PDE7B: variants seen among roughly 807,000 people sequenced by gnomAD.
PDE7B encodes the protein phosphodiesterase 7B.
Under a neutral mutation model 56.2 loss-of-function variants are expected in PDE7B, and 29 were observed. That is an observed-to-expected ratio of 0.52 (90% CI 0.38 to 0.70). The LOEUF is 0.70. PDE7B is among the 30% of genes least tolerant of loss of function. The probability of loss-of-function intolerance (pLI) is 0.00; values close to 1 mark genes in which losing one functional copy is unlikely to be tolerated. For missense variants in PDE7B, 490 were observed against 565.0 expected, an observed-to-expected ratio of 0.87 and a Z score of 1.35; for synonymous variants, 197 against 196.9, an observed-to-expected ratio of 1.00 and a Z score of 0.00.
intron 1 of PDE7B, among the ~76,000 whole-genome samples, chr6:135,855,460 C>A (rs976731764): frequency 1.3e-5 from 2 of 151,894 alleles, no homozygotes; most frequent in Non-Finnish European, 2.9e-5. Context: ...CAGCTCTATG[C>A]AATTTGGAAT....
chr6:135,995,830 A>G (rs919643432), intron 2 of PDE7B, among the ~76,000 whole-genome samples: 1 of 152,216 alleles, frequency 6.6e-6, no homozygotes, highest in African/African-American at 2.4e-5. Context: ...GAACTACATT[A>G]AAATAAAAAT....
chr6:135,922,358 A>T (rs1774100121), intron 1 of PDE7B, among the ~76,000 whole-genome samples: 1 of 152,212 alleles, frequency 6.6e-6, no homozygotes, highest in Non-Finnish European at 1.5e-5. Flanking sequence ...TTACAAAACC[A>T]GGTCACAGCT....
At chr6:135,855,590 C>T (rs6906788) in intron 1 of PDE7B, among the ~76,000 whole-genome samples, 29,721 of 152,134 alleles carry the variant, frequency 0.2, 5,171 homozygotes, top group African/African-American at 0.46. Context: ...ATGGTGTTCT[C>T]AAAAATTAGA....
intron 5 of PDE7B, 115 bp from the exon 6 acceptor site, chr6:136,151,045 G>GT: frequency 3.5e-6 from 2 of 574,280 alleles, no homozygotes; most frequent in Non-Finnish European, 6.0e-6. Context: ...ACTTCTAAAG[G>GT]GGAAAAAATA....
chr6:135,944,745 C>G (rs1385738606), intron 1 of PDE7B, among the ~76,000 whole-genome samples: 1 of 152,188 alleles, frequency 6.6e-6, no homozygotes, highest in Non-Finnish European at 1.5e-5. Context: ...GCTCCTGTGC[C>G]CATATTCACA....
chr6:136,151,786 AAAATT>A (rs1778522606), intron 6 of PDE7B, among the ~76,000 whole-genome samples: 5 of 45,314 alleles, frequency 1.1e-4, no homozygotes, highest in Admixed American at 3.0e-4. Context: ...ATACAAAAAA[AAAATT>A]AGCCAGGCTT....
Position 136,191,893 on chromosome 6 carries a change from G to A in PDE7B, c.*53G>A. 7.2e-7 allele frequency: 1 copy of A among 1,387,262 alleles called. No individual in the cohort carries two copies. Among genetic ancestry groups the A allele is most frequent in the South Asian group, 1.2e-5 (1 of 80,032 alleles). The allele number at this position is 1,387,262 out of a possible 1,614,324, so 85.9% of individuals were successfully genotyped here. ...CCTCCGGCAGGGCCCCCAGAGGGCAGAAGCAGCGTGGAGGGGCCCTCACGC... is the reference window on the plus strand; with the variant it reads ...CCTCCGGCAGGGCCCCCAGAGGGCAAAAGCAGCGTGGAGGGGCCCTCACGC... On this transcript the variant is annotated 3_prime_UTR_variant, in exon 13 of 13. Transcript: ENST00000308191.
rs1779242910 is a variant in PDE7B at position 136,192,258 on chromosome 6, A to C, written c.*418A>C. The C allele has an allele frequency of 5.7e-6, 1 of 175,470 alleles. No homozygotes were observed. The allele number at this position is 175,470 out of a possible 1,614,324, so 10.9% of individuals were successfully genotyped here. A position where few individuals can be genotyped will look rare whatever the true frequency, so the allele number is the denominator to read the frequency against. On this transcript the variant is annotated 3_prime_UTR_variant, in exon 13 of 13. Coordinates refer to ENST00000308191, the MANE Select transcript of PDE7B (RefSeq NM_018945.4). ...GTGACAGAAACACCAGCATATTTGC[A>C]ACGCCAAGGATATTGGTCTTAAGTG...
At chr6:135,895,106 A>G (rs1349725150) in intron 1 of PDE7B, among the ~76,000 whole-genome samples, 8 of 152,034 alleles carry the variant, frequency 5.3e-5, no homozygotes, top group African/African-American at 1.7e-4. Context: ...CTGTTTGTCC[A>G]ATAAAGATAA....
intron 2 of PDE7B, among the ~76,000 whole-genome samples, chr6:136,017,182 A>G (rs1200522794): frequency 6.6e-6 from 1 of 152,254 alleles, no homozygotes; most frequent in Non-Finnish European, 1.5e-5. Context: ...ACACATTCAT[A>G]GAACTAGAAA....
intron 3 of PDE7B, among the ~76,000 whole-genome samples, chr6:136,142,117 C>T (rs1778337096): frequency 6.6e-6 from 1 of 152,172 alleles, no homozygotes; most frequent in Admixed American, 6.6e-5. Context: ...CCTCTACACA[C>T]TGCTTTGACT....
At chr6:135,953,889 T>A (rs1213540560) in intron 2 of PDE7B, among the ~76,000 whole-genome samples, 1 of 152,190 alleles carries the variant, frequency 6.6e-6, no homozygotes, top group Non-Finnish European at 1.5e-5. Flanking sequence ...TTAGAATGCC[T>A]CAGGAATTTG....
chr6:135,855,943 GCTTCCATTT>G (rs1775019368), intron 1 of PDE7B, among the ~76,000 whole-genome samples: 1 of 152,156 alleles, frequency 6.6e-6, no homozygotes, highest in African/African-American at 2.4e-5. Context: ...CAACTCTGGA[GCTTCCATTT>G]CTTCATCTTT....
At chr6:135,910,093 G>A (rs1158949847) in intron 1 of PDE7B, among the ~76,000 whole-genome samples, 1 of 152,212 alleles carries the variant, frequency 6.6e-6, no homozygotes, top group Non-Finnish European at 1.5e-5. Flanking sequence ...CTTGAAATAT[G>A]AGTTTGAAAT....
chr6:136,060,025 G>C (rs6928089), intron 2 of PDE7B, among the ~76,000 whole-genome samples: 68,471 of 152,022 alleles, frequency 0.45, 15,892 homozygotes, highest in African/African-American at 0.56. Context: ...GAAGAACTAA[G>C]TAAAATTCAA....
Position 135,905,360 on chromosome 6 carries a change from G to GTT in PDE7B, c.22-42103_22-42102insTT, listed in dbSNP as rs1776080280. Among the ~76,000 whole-genome samples the GTT allele has an allele frequency of 3.3e-5, 5 of 151,468 alleles. No individual in the cohort carries two copies. The South Asian group carries it at 1.0e-3, about 32-fold the overall frequency. On this transcript the variant is annotated intron_variant, in intron 1 of 12. Transcript: ENST00000308191. ...CGTGTGTGTGTGTATGTGTGTGTGT[G>GTT]TGTGTGTGTGTGTGTGTGTGAATAC...
At chr6:136,170,281 T>C (rs78095312) in intron 8 of PDE7B, among the ~76,000 whole-genome samples, 2,695 of 152,278 alleles carry the variant, frequency 0.018, 88 homozygotes, top group African/African-American at 0.06. Flanking sequence ...TTACTTTTTG[T>C]TTAATTGTGG....
At chr6:136,114,960 G>A (rs765794534) in intron 3 of PDE7B, 1 of 152,192 alleles carries the variant, frequency 6.6e-6, no homozygotes, top group Non-Finnish European at 1.5e-5. Context: ...AGGGCAGCAG[G>A]ATGGTTAACC....
At chr6:136,183,072 C>CAAAA (rs869296450) in intron 11 of PDE7B, among the ~76,000 whole-genome samples, 7 of 50,518 alleles carry the variant, frequency 1.4e-4, no homozygotes, top group African/African-American at 3.5e-4. Flanking sequence ...ACTCCGTCTC[C>CAAAA]AAAAAAAAAA....
Sources: allele counts gnomAD v4.1 joint callset (sites outside exome capture counted in the v4.1 genomes callset), GRCh38; gene constraint gnomAD v4.1.1; transcripts MANE v1.5; gene names NCBI Gene and HGNC (gene_info 2026-07-23, HGNC 2026-07-21).